The following PRR5 variants were observed in gnomAD, a reference collection of about 807,000 sequenced individuals.
PRR5 encodes the protein proline-rich protein 5.
Under a neutral mutation model 30.6 loss-of-function variants are expected in PRR5, and 25 were observed. That is an observed-to-expected ratio of 0.82 (90% confidence interval 0.60 to 1.14). The LOEUF (loss-of-function observed/expected upper bound fraction) is 1.14, where lower values mean the gene tolerates loss of function less well. PRR5 is among the 50% of genes most tolerant of loss of function. The pLI is 0.00. For synonymous variants in PRR5, 286 were observed against 247.1 expected, an observed-to-expected ratio of 1.16 and a Z score of -1.48; for missense variants, 600 against 547.1, an observed-to-expected ratio of 1.10 and a Z score of -0.96.
intron 1 of PRR5, among the ~76,000 whole-genome samples, chr22:44,682,738 C>T (rs9626522): frequency 0.09 from 13,650 of 152,148 alleles, 768 homozygotes; most frequent in East Asian, 0.27. Flanking sequence ...TGGCGTGTGG[C>T]CAGAGCTGAG....
intron 1 of PRR5, among the ~76,000 whole-genome samples, chr22:44,696,521 G>C (rs1601975519): frequency 6.6e-6 from 1 of 152,230 alleles, no homozygotes; most frequent in East Asian, 1.9e-4. Context: ...CTGCTGGCCA[G>C]AGCCCCCTCC....
chr22:44,724,442 A>C (rs1363557535), intron 2 of PRR5, among the ~76,000 whole-genome samples: 3 of 150,982 alleles, frequency 2.0e-5, no homozygotes, highest in Non-Finnish European at 3.0e-5. Flanking sequence ...CTCAAAAAGA[A>C]AAAAAAAAAG....
intron 1 of PRR5, among the ~76,000 whole-genome samples, chr22:44,709,478 G>A (rs902722227): frequency 6.6e-6 from 1 of 152,098 alleles, no homozygotes; most frequent in Non-Finnish European, 1.5e-5. Context: ...GGAAAAGGCG[G>A]GGACAGGTAT....
upstream of PRR5, among the ~76,000 whole-genome samples, chr22:44,697,485 C>T (rs1018438427): frequency 2.6e-5 from 4 of 152,270 alleles, no homozygotes; most frequent in African/African-American, 9.6e-5. Flanking sequence ...GTGCCCAGCA[C>T]GTTGCCAGGC....
At chr22:44,699,237 C>A (rs1490766602), upstream of PRR5, among the ~76,000 whole-genome samples, 2 of 152,224 alleles carry the variant, frequency 1.3e-5, no homozygotes, top group African/African-American at 4.8e-5. Context: ...CCTCGGGCTG[C>A]CCATTTCTCT....
At chr22:44,734,966 G>C in intron 6 of PRR5, 61 bp from the exon 7 acceptor site, 1 of 1,531,344 alleles carries the variant, frequency 6.5e-7, no homozygotes, top group African/African-American at 1.4e-5. Context: ...ATATGGTTGA[G>C]AGCCTGGAGC....
At chr22:44,714,191 T>G (rs1928702097) in intron 1 of PRR5, among the ~76,000 whole-genome samples, 1 of 152,028 alleles carries the variant, frequency 6.6e-6, no homozygotes, top group Non-Finnish European at 1.5e-5. Flanking sequence ...GATCCTGAAC[T>G]CCGGGTGGCC....
At chr22:44,678,225 T>C (rs1229112924) in intron 1 of PRR5, among the ~76,000 whole-genome samples, 1 of 151,788 alleles carries the variant, frequency 6.6e-6, no homozygotes, top group African/African-American at 2.4e-5. Context: ...CTGTTCCTGC[T>C]CACTCTCAGC....
intron 1 of PRR5, among the ~76,000 whole-genome samples, chr22:44,712,830 A>T (rs555475620): frequency 3.3e-5 from 5 of 152,162 alleles, no homozygotes; most frequent in Admixed American, 2.6e-4. Flanking sequence ...CCTGGTTCTC[A>T]CCCTGAGGAC....
At chr22:44,710,159 G>T (rs957993618) in intron 1 of PRR5, among the ~76,000 whole-genome samples, 2 of 152,226 alleles carry the variant, frequency 1.3e-5, no homozygotes, top group South Asian at 4.1e-4. Context: ...GACAGACAGG[G>T]CCCCCGGATC....
At chr22:44,726,656 G>C (rs756268788) in intron 4 of PRR5, 22 bp downstream of exon 4, 1 of 1,613,876 alleles carries the variant, frequency 6.2e-7, no homozygotes, top group South Asian at 1.1e-5. Context: ...CCCCTTGGCG[G>C]CCACTCTGGG....
upstream of PRR5, among the ~76,000 whole-genome samples, chr22:44,673,062 C>T (rs578057464): frequency 2.6e-5 from 4 of 152,248 alleles, no homozygotes; most frequent in Non-Finnish European, 5.9e-5. Context: ...CTTTCTGTGC[C>T]ATCTGCTGGG....
chr22:44,716,967 C>T (rs567452272), intron 2 of PRR5, among the ~76,000 whole-genome samples: 13 of 151,704 alleles, frequency 8.6e-5, no homozygotes, highest in East Asian at 1.9e-4. Flanking sequence ...GAGGCTGAGG[C>T]ATGAGAATCA....
intron 6 of PRR5, 48 bp from the exon 7 acceptor site, chr22:44,734,979 C>A (rs781566835): frequency 1.8e-5 from 29 of 1,576,554 alleles, no homozygotes; most frequent in Middle Eastern, 3.3e-4. Flanking sequence ...CCTGGAGCCA[C>A]CAAGCTCGGG....
intron 2 of PRR5, among the ~76,000 whole-genome samples, chr22:44,717,832 C>T (rs570314303): frequency 2.0e-5 from 3 of 151,980 alleles, no homozygotes; most frequent in African/African-American, 4.8e-5. Flanking sequence ...TCTCCTGCCT[C>T]GGCTTCCTGA....
In PRR5 at chr22:44,726,559, C is replaced by T; in HGVS notation, c.265-18C>T. The T allele has an allele frequency of 6.2e-7, 1 of 1,614,006 alleles. No homozygotes were observed. On this transcript the variant is annotated intron_variant, in intron 3 of 7. Transcript: ENST00000336985. ...GCATCCACAAGGGCGGTGACAGCCC[C>T]TCTGTGTTTACCTTCAGAACCAGCT...
intron 4 of PRR5, 24 bp downstream of exon 4, chr22:44,726,658 C>T (rs377023909): frequency 6.8e-6 from 11 of 1,613,766 alleles, no homozygotes; most frequent in Non-Finnish European, 8.5e-6. Flanking sequence ...CCTTGGCGGC[C>T]ACTCTGGGCC....
At chr22:44,732,895 G>A (rs950622875) in intron 6 of PRR5, among the ~76,000 whole-genome samples, 7 of 145,560 alleles carry the variant, frequency 4.8e-5, no homozygotes, top group East Asian at 2.1e-4. Flanking sequence ...CACCACACAC[G>A]TGCACACGCA....
intron 4 of PRR5, among the ~76,000 whole-genome samples, chr22:44,728,093 G>T (rs185091395): frequency 1.3e-5 from 2 of 152,178 alleles, no homozygotes; most frequent in African/African-American, 2.4e-5. Context: ...GGAGCTCTGC[G>T]TGGGACAGCC....
Sources: gnomAD v4.1 joint callset for allele counts (sites outside exome capture counted in the v4.1 genomes callset) on GRCh38, gnomAD v4.1.1 for gene constraint, MANE v1.5 for transcripts, NCBI Gene and HGNC (gene_info 2026-07-23, HGNC 2026-07-21) for gene names.